FYB2: variants seen among roughly 807,000 people sequenced by gnomAD.
FYB2 encodes the protein FYN binding protein 2.
In FYB2, 103 loss-of-function variants were observed where a neutral mutation model predicts 94.1. The ratio of observed to expected loss-of-function variants is 1.09; its 90% CI spans 0.93 to 1.29. FYB2 has a LOEUF of 1.29. Ranked by LOEUF, FYB2 falls within the 50% of genes most tolerant of loss-of-function variation. The pLI, the probability that FYB2 is intolerant of heterozygous loss-of-function variation, is 0.00. For synonymous variants in FYB2, 293 were observed against 287.9 expected, an observed-to-expected ratio of 1.02 and a Z score of -0.18; for missense variants, 896 against 841.5, an observed-to-expected ratio of 1.06 and a Z score of -0.80.
chr1:56,771,243 A>G (rs1361952015), intron 4 of FYB2, among the ~76,000 whole-genome samples: 1 of 152,182 alleles, frequency 6.6e-6, no homozygotes, highest in Non-Finnish European at 1.5e-5. Context: ...GAAAATGCAT[A>G]AACAAATTGG....
intron 1 of FYB2, among the ~76,000 whole-genome samples, chr1:56,801,429 AC>A (rs1646516864): frequency 6.6e-6 from 1 of 152,158 alleles, no homozygotes; most frequent in Admixed American, 6.5e-5. Context: ...AGATTTAAGC[AC>A]CCAGCTCACT....
At chr1:56,770,429 T>G (rs901863071) in intron 4 of FYB2, among the ~76,000 whole-genome samples, 2 of 152,136 alleles carry the variant, frequency 1.3e-5, no homozygotes, top group African/African-American at 4.8e-5. Context: ...TTTAAGAAGA[T>G]AATACAATTT....
chr1:56,764,843 A>G (rs1645583995), intron 5 of FYB2, among the ~76,000 whole-genome samples: 1 of 152,208 alleles, frequency 6.6e-6, no homozygotes, highest in South Asian at 2.1e-4. Flanking sequence ...CAAAGTGACA[A>G]CAGATTCCTG....
Position 56,792,332 on chromosome 1 carries a change from T to A in FYB2, c.481A>T (p.Asn161Tyr). 1 of 1,614,162 alleles carries A rather than the reference T, an allele frequency of 6.2e-7. No individual in the cohort carries two copies. The highest frequency in any genetic ancestry group is 2.2e-5 in the East Asian group (1 of 44,874). The change falls in exon 2 of 20, where the codon AAC (asparagine) becomes TAC (tyrosine). Residue 161 changes from asparagine to tyrosine, a missense_variant. Physicochemically the swap from Asn to Tyr is moderately radical, Grantham distance 143. Transcript: ENST00000343433. ...AGATGGATGGCCTTACTTCCATAGTTGGCAAGGAGAAGGGCTGAAGACATT... is the reference window on the plus strand; with the variant it reads ...AGATGGATGGCCTTACTTCCATAGTAGGCAAGGAGAAGGGCTGAAGACATT... ...SEMSSALLLANYGSKAIHLEG... is the reference protein window; with the variant it reads ...SEMSSALLLAYYGSKAIHLEG...
intron 9 of FYB2, among the ~76,000 whole-genome samples, chr1:56,748,725 G>A (rs1367299634): frequency 2.6e-5 from 4 of 151,818 alleles, no homozygotes; most frequent in Non-Finnish European, 5.9e-5. Context: ...CACTATGAAT[G>A]TTCAATATTT....
intron 1 of FYB2, among the ~76,000 whole-genome samples, chr1:56,813,201 G>A (rs527710652): frequency 6.6e-6 from 1 of 152,248 alleles, no homozygotes; most frequent in East Asian, 1.9e-4. Context: ...ACTTTAACTT[G>A]ATGTATTAGT....
upstream of FYB2, among the ~76,000 whole-genome samples, chr1:56,820,282 C>T (rs189124269): frequency 1.3e-5 from 2 of 151,800 alleles, no homozygotes; most frequent in Admixed American, 1.3e-4. Context: ...AACACCTGCC[C>T]ATGGTCACAT....
At chr1:56,743,063 T>G (rs534196753) in intron 11 of FYB2, among the ~76,000 whole-genome samples, 1 of 152,200 alleles carries the variant, frequency 6.6e-6, no homozygotes, top group African/African-American at 2.4e-5. Flanking sequence ...ACATATTTTT[T>G]GTGGTGAGAA....
chr1:56,801,995 TGGGA>T (rs1646532819), intron 1 of FYB2, among the ~76,000 whole-genome samples: 3 of 151,982 alleles, frequency 2.0e-5, no homozygotes, highest in Admixed American at 2.0e-4. Context: ...TCTATTAGAG[TGGGA>T]GCATGCAGAA....
Position 56,758,747 on chromosome 1 carries a change from G to A in FYB2, c.1067C>T (p.Thr356Ile). 2.5e-6 allele frequency: 4 copies of A among 1,597,216 alleles called. No individual in the cohort carries two copies. Among genetic ancestry groups the A allele is most frequent in the South Asian group, 1.1e-5 (1 of 87,772 alleles). The change falls in exon 6 of 20, where the codon ACT becomes ATT. Residue 356 changes from threonine (T) to isoleucine (I), a missense_variant. Coordinates refer to ENST00000343433, the MANE Select transcript of FYB2 (RefSeq NM_001004303.5). Reference sequence around the variant, plus strand: ...GAGTTCTTCAATTCCAACTTCATAAGTTGCTAAAGTAAACATAAAAAAATT... The same window carrying A: ...GAGTTCTTCAATTCCAACTTCATAAATTGCTAAAGTAAACATAAAAAAATT... ...LCTAKEIADP[T>I]YEVGIEELQK...
At chr1:56,724,116 T>C (rs768442862) in intron 16 of FYB2, among the ~76,000 whole-genome samples, 22 of 151,942 alleles carry the variant, frequency 1.4e-4, no homozygotes, top group Non-Finnish European at 2.8e-4. Context: ...CTTCAGACTA[T>C]TTAATGGAAA....
chr1:56,762,689 T>G (rs752378225), intron 5 of FYB2, among the ~76,000 whole-genome samples: 1 of 152,218 alleles, frequency 6.6e-6, no homozygotes, highest in Non-Finnish European at 1.5e-5. Flanking sequence ...TGTGAATAGA[T>G]AGTTTTATTT....
chr1:56,794,057 A>C (rs922814432), intron 1 of FYB2, among the ~76,000 whole-genome samples: 1 of 152,232 alleles, frequency 6.6e-6, no homozygotes, highest in African/African-American at 2.4e-5. Context: ...TAGTAGGCCC[A>C]TGATAAAGAA....
rs1271797768 is a variant in FYB2, at chr1:56,719,709, A to G, written c.2166-17T>C. The G allele has an allele frequency of 6.4e-7, 1 of 1,564,102 alleles. No homozygotes were observed. The highest frequency in any genetic ancestry group is 2.4e-5 in the East Asian group (1 of 41,510). On this transcript the variant is annotated splice_polypyrimidine_tract_variant and intron_variant, in intron 19 of 19. Coordinates refer to ENST00000343433, the MANE Select transcript of FYB2 (RefSeq NM_001004303.5). ...CTTTGATGCCTGTGAAAAAATAAAA[A>G]TATGCAAACATTTTAAAATATAGGA...
intron 12 of FYB2, 105 bp downstream of exon 12, chr1:56,742,056 G>A: frequency 6.1e-6 from 5 of 823,266 alleles, no homozygotes; most frequent in Non-Finnish European, 9.9e-6. Context: ...AGTCGGGGGT[G>A]GCAGTGGGGC....
rs769768846 is a variant in FYB2 at position 56,792,094 on chromosome 1, T to C, written c.719A>G (p.Gln240Arg). 1.2e-5 allele frequency: 19 copies of C among 1,607,370 alleles called. No individual in the cohort carries two copies. The highest frequency in any genetic ancestry group is 1.3e-5 in the Non-Finnish European group (15 of 1,177,584). ...GGCAAGCTCACACTCATAGATGGGC[T>C]GGCAGGGGCTGCTTGCCGGGCTCCT... ...PERSPASSPCQPIYECELASQ... is the reference protein window; with the variant it reads ...PERSPASSPCRPIYECELASQ... Residue 240 changes from glutamine to arginine, a missense_variant, in exon 2 of 20, where the codon CAG (glutamine) becomes CGG (arginine). Gln to Arg is a conservative substitution (Grantham distance 43). Coordinates refer to ENST00000343433, the MANE Select transcript of FYB2 (RefSeq NM_001004303.5).
chr1:56,788,820 A>G, intron 3 of FYB2, 153 bp downstream of exon 3: 2 of 1,107,000 alleles, frequency 1.8e-6, no homozygotes, highest in Non-Finnish European at 2.7e-6. Flanking sequence ...ACATCGTTTC[A>G]TGGGCAAGCT....
intron 16 of FYB2, among the ~76,000 whole-genome samples, chr1:56,725,158 A>C (rs984213402): frequency 2.0e-5 from 3 of 152,014 alleles, no homozygotes; most frequent in Non-Finnish European, 4.4e-5. Context: ...CCATGAACTA[A>C]ATAAACCTCT....
chr1:56,757,612 C>A (rs1645365350), intron 6 of FYB2, among the ~76,000 whole-genome samples: 1 of 151,976 alleles, frequency 6.6e-6, no homozygotes, highest in South Asian at 2.1e-4. Flanking sequence ...TATGCCTTTT[C>A]TTTCCTTCTT....
Sources: allele counts gnomAD v4.1 joint callset (sites outside exome capture counted in the v4.1 genomes callset), GRCh38; gene constraint gnomAD v4.1.1; transcripts MANE v1.5; gene names NCBI Gene and HGNC (gene_info 2026-07-23, HGNC 2026-07-21).